The following MAP2K5 variants were observed in gnomAD, a reference collection of about 807,000 sequenced individuals.
The protein encoded by MAP2K5 is mitogen-activated protein kinase kinase 5.
Under a neutral mutation model 83.1 loss-of-function variants are expected in MAP2K5, and 49 were observed. That is an observed-to-expected ratio of 0.59 (90% CI 0.47 to 0.75). The LOEUF is 0.75. MAP2K5 is among the 30% of genes least tolerant of loss of function. The probability of loss-of-function intolerance (pLI) is 0.00; values close to 1 mark genes in which losing one functional copy is unlikely to be tolerated. For synonymous variants in MAP2K5, 202 were observed against 191.8 expected (o/e 1.05, Z -0.44); for missense variants, 457 against 557.5 (o/e 0.82, Z 1.82).
intron 8 of MAP2K5, among the ~76,000 whole-genome samples, chr15:67,605,080 G>A (rs1330707512): frequency 1.4e-5 from 2 of 146,218 alleles, no homozygotes; most frequent in Non-Finnish European, 3.0e-5. Flanking sequence ...TTGAGACAGA[G>A]TCTCGCTCTG....
chr15:67,798,619 C>T (rs1189866041), intron 21 of MAP2K5, among the ~76,000 whole-genome samples: 4 of 152,188 alleles, frequency 2.6e-5, no homozygotes, highest in African/African-American at 4.8e-5. Context: ...CATAGATCTG[C>T]TCAGATGAAA....
At chr15:67,662,747 T>G (rs1179194792) in intron 12 of MAP2K5, among the ~76,000 whole-genome samples, 2 of 152,154 alleles carry the variant, frequency 1.3e-5, no homozygotes, top group Admixed American at 6.5e-5. Context: ...AACTAATTAC[T>G]CTTAACTCAG....
rs1302704236 is a variant in MAP2K5 at position 67,644,041 on chromosome 15, T to G, written c.586-2190T>G. On this transcript the variant is annotated intron_variant, in intron 9 of 21. Transcript: ENST00000178640. This position sits in a 1 kb window ranked among gnomAD's most constrained non-coding sequence, Gnocchi z 4.6. Reference sequence around the variant, plus strand: ...TCTAGAAATGTCTAGAGCCAGAAACTCTGCCACAAATCATAAAAATTGTTT... The same window carrying G: ...TCTAGAAATGTCTAGAGCCAGAAACGCTGCCACAAATCATAAAAATTGTTT... Among the ~76,000 whole-genome samples, 3 of 152,204 alleles carry G rather than the reference T, an allele frequency of 2.0e-5. No individual in the cohort carries two copies. The highest frequency in any genetic ancestry group is 6.5e-5 in the Admixed American group (1 of 15,284).
rs545268876 is a variant in MAP2K5, at chr15:67,795,873, GC to G, written c.1243-10772del. ...TCTCCTTGCATTCCTGTCCATTTTTGCTTTATATGTTTTAAGGCAGTAATGT... is the reference window on the plus strand; with the variant it reads ...TCTCCTTGCATTCCTGTCCATTTTTGTTTATATGTTTTAAGGCAGTAATGT... On this transcript the variant is annotated intron_variant, in intron 21 of 21. Coordinates refer to ENST00000178640, the MANE Select transcript of MAP2K5 (RefSeq NM_145160.3). 3.2e-3 allele frequency among the ~76,000 whole-genome samples: 494 copies of G among 152,132 alleles called. 1 individual carries two copies. Among genetic ancestry groups the G allele is most frequent in the Non-Finnish European group, 5.5e-3 (375 of 67,972 alleles).
In MAP2K5 at chr15:67,572,706, A is replaced by T. The variant is rs564688469; in HGVS notation, c.253-8048A>T. On this transcript the variant is annotated intron_variant, in intron 3 of 21. Transcript: ENST00000178640. This position sits in a 1 kb window ranked among gnomAD's most constrained non-coding sequence, Gnocchi z 4.2. ...TGCAAGAATTGATATTATTATTATT[A>T]TTTTTTTTTTTGAGATGGAGTCTTG... Among the ~76,000 whole-genome samples, 857 of 128,590 alleles carry T rather than the reference A, an allele frequency of 6.7e-3. 3 individuals carry two copies. Among genetic ancestry groups the T allele is most frequent in the African/African-American group, 0.02 (754 of 37,512 alleles). The allele number at this position is 128,590 out of a possible 152,430, so 84.4% of individuals were successfully genotyped here. A position where few individuals can be genotyped will look rare whatever the true frequency, so the allele number is the denominator to read the frequency against.
At chr15:67,568,590 G>A (rs2140973996) in intron 3 of MAP2K5, among the ~76,000 whole-genome samples, 1 of 152,220 alleles carries the variant, frequency 6.6e-6, no homozygotes. Context: ...TTTTAAATAA[G>A]GTTTTTGTTT....
rs1046895376 is a variant in MAP2K5 at position 67,764,627 on chromosome 15, G to A, written c.1135-4975G>A. ...CATTCCACAATGCCAGGCTCATTGC[G>A]TTCCACATGGTAGATGCCCACAAAA... On this transcript the variant is annotated intron_variant, in intron 19 of 21. Transcript: ENST00000178640. The surrounding 1 kb of genome is among the most constrained non-coding windows in gnomAD (Gnocchi z 4.9). Among the ~76,000 whole-genome samples the A allele has an allele frequency of 6.6e-6, 1 of 152,164 alleles. No individual in the cohort carries two copies. Among genetic ancestry groups the A allele is most frequent in the African/African-American group, 2.4e-5 (1 of 41,434 alleles).
chr15:67,599,125 C>T (rs565388909), intron 7 of MAP2K5, among the ~76,000 whole-genome samples: 2 of 152,242 alleles, frequency 1.3e-5, no homozygotes, highest in South Asian at 2.1e-4. Context: ...ATTTATCATT[C>T]GGTCCAGAAT....
intron 12 of MAP2K5, among the ~76,000 whole-genome samples, chr15:67,661,069 A>G (rs1389981720): frequency 1.3e-5 from 2 of 152,130 alleles, no homozygotes; most frequent in African/African-American, 4.8e-5. Context: ...TCATAGGTCC[A>G]AGGTTCATTA....
chr15:67,684,991 G>A (rs1275673612), intron 13 of MAP2K5, among the ~76,000 whole-genome samples: 1 of 152,094 alleles, frequency 6.6e-6, no homozygotes, highest in East Asian at 1.9e-4. Flanking sequence ...TATGTGTTAA[G>A]TGGAGTCTCA....
At chr15:67,788,268 T>C (rs1031952490) in intron 21 of MAP2K5, among the ~76,000 whole-genome samples, 2 of 152,232 alleles carry the variant, frequency 1.3e-5, no homozygotes, top group African/African-American at 4.8e-5. Context: ...TATATGGAGA[T>C]AAGATGTTTC....
intron 15 of MAP2K5, among the ~76,000 whole-genome samples, chr15:67,697,484 T>C (rs747850597): frequency 3.3e-5 from 5 of 152,208 alleles, no homozygotes; most frequent in Non-Finnish European, 7.3e-5. Context: ...AATTCTTAAT[T>C]GCTGTGCCTC....
intron 8 of MAP2K5, among the ~76,000 whole-genome samples, chr15:67,616,991 A>G (rs2086069849): frequency 6.6e-6 from 1 of 152,192 alleles, no homozygotes; most frequent in African/African-American, 2.4e-5. Flanking sequence ...CATGTGGTTA[A>G]TGAAGGAAGT....
chr15:67,683,663 G>A (rs893071798), intron 13 of MAP2K5, among the ~76,000 whole-genome samples: 5 of 152,190 alleles, frequency 3.3e-5, no homozygotes, highest in Non-Finnish European at 7.3e-5. Context: ...TCAGGAGGCT[G>A]AGGCAGGAGA....
intron 16 of MAP2K5, among the ~76,000 whole-genome samples, chr15:67,715,879 C>G (rs1436557072): frequency 2.0e-5 from 3 of 152,186 alleles, no homozygotes; most frequent in Admixed American, 6.5e-5. Flanking sequence ...CACTTTCCTC[C>G]TCAACAGTGA....
At chr15:67,609,004 G>GT (rs1411937480) in intron 8 of MAP2K5, among the ~76,000 whole-genome samples, 1 of 152,192 alleles carries the variant, frequency 6.6e-6, no homozygotes, top group Non-Finnish European at 1.5e-5. Context: ...GACACAATGT[G>GT]TTGTTCATTG....
At position 67,720,148 on chromosome 15, in the gene MAP2K5, A is replaced by G. The variant is rs931610173; in HGVS notation, c.1045-7768A>G. The stretch of plus-strand genomic sequence containing the variant: ...TACTATGGCCTAGTTAAAATTGTAT[A>G]TTCCATTTAAACACAGTATCTAACC... On this transcript the variant is annotated intron_variant, in intron 16 of 21. Transcript: ENST00000178640. This position sits in a 1 kb window ranked among gnomAD's most constrained non-coding sequence, Gnocchi z 5.7. Among the ~76,000 whole-genome samples the G allele has an allele frequency of 3.9e-5, 6 of 152,264 alleles. No homozygotes were observed. The East Asian group carries it at 1.2e-3, about 29-fold the overall frequency.
At chr15:67,602,006 A>G (rs186698926) in intron 8 of MAP2K5, among the ~76,000 whole-genome samples, 1 of 152,358 alleles carries the variant, frequency 6.6e-6, no homozygotes, top group Non-Finnish European at 1.5e-5. Context: ...TTCCACTATG[A>G]TAATTCAGAG....
intron 17 of MAP2K5, among the ~76,000 whole-genome samples, chr15:67,734,554 A>G (rs893590674): frequency 1.1e-4 from 16 of 152,190 alleles, no homozygotes; most frequent in African/African-American, 3.9e-4. Flanking sequence ...ACTTAATTTT[A>G]TTTGTGTTTT....
Sources: allele counts gnomAD v4.1 joint callset (sites outside exome capture counted in the v4.1 genomes callset), GRCh38; gene constraint gnomAD v4.1.1; non-coding constraint Gnocchi (gnomAD v3.1); transcripts MANE v1.5; gene names NCBI Gene and HGNC (gene_info 2026-07-23, HGNC 2026-07-21).